The following GRIN2A variants were observed in gnomAD, a reference collection of about 807,000 sequenced individuals.
GRIN2A encodes the protein glutamate ionotropic receptor NMDA type subunit 2A.
Under a neutral mutation model 113.4 loss-of-function variants are expected in GRIN2A, and 22 were observed. That is an observed-to-expected ratio of 0.19 (90% CI 0.14 to 0.28). GRIN2A has a LOEUF of 0.28. GRIN2A is among the 10% of genes least tolerant of loss of function. The pLI, the probability that GRIN2A is intolerant of heterozygous loss-of-function variation, is 1.00. For missense variants in GRIN2A, 1,502 were observed against 1,887.0 expected (o/e 0.80, Z 3.78); for synonymous variants, 827 against 738.4 (o/e 1.12, Z -1.94).
At chr16:9,929,002 T>G (rs2044529057) in intron 3 of GRIN2A, among the ~76,000 whole-genome samples, 1 of 152,170 alleles carries the variant, frequency 6.6e-6, no homozygotes, top group Non-Finnish European at 1.5e-5. Context: ...CAAAACAAAA[T>G]CAACATTGGG....
intron 4 of GRIN2A, among the ~76,000 whole-genome samples, chr16:9,865,495 A>AC (rs1213985678): frequency 3.9e-5 from 6 of 152,174 alleles, no homozygotes; most frequent in African/African-American, 1.4e-4. Context: ...GAGTTGGAAG[A>AC]CCCAAGTCCA....
chr16:9,777,211 A>G (rs61191505), intron 11 of GRIN2A, among the ~76,000 whole-genome samples: 2,427 of 152,276 alleles, frequency 0.016, 60 homozygotes, highest in East Asian at 0.061. Context: ...ATGTTGTTTT[A>G]AAGACAAATT....
At chr16:10,162,036 G>C (rs1483872603) in intron 2 of GRIN2A, among the ~76,000 whole-genome samples, 1 of 152,162 alleles carries the variant, frequency 6.6e-6, no homozygotes, top group Non-Finnish European at 1.5e-5. Flanking sequence ...ACAGGTTCCA[G>C]GAATTAGAAT....
intron 4 of GRIN2A, among the ~76,000 whole-genome samples, chr16:9,863,413 G>A (rs1163198566): frequency 6.6e-6 from 1 of 152,118 alleles, no homozygotes; most frequent in Non-Finnish European, 1.5e-5. Flanking sequence ...TTTTACTCAT[G>A]ACAGTTTTAC....
intron 5 of GRIN2A, among the ~76,000 whole-genome samples, chr16:9,842,788 T>C (rs1427981180): frequency 6.6e-6 from 1 of 151,922 alleles, no homozygotes; most frequent in Non-Finnish European, 1.5e-5. Context: ...AATACAAAAA[T>C]GAGCTGGGCA....
chr16:10,022,436 T>C (rs2046743077), intron 2 of GRIN2A, among the ~76,000 whole-genome samples: 1 of 152,146 alleles, frequency 6.6e-6, no homozygotes. Context: ...CTGTCTAGAA[T>C]GTCTTCCCCA....
chr16:9,945,729 G>A (rs2141657716), intron 2 of GRIN2A, among the ~76,000 whole-genome samples: 1 of 152,264 alleles, frequency 6.6e-6, no homozygotes, highest in Admixed American at 6.5e-5. Flanking sequence ...TACATAGAGG[G>A]GTTGCTGCTG....
At position 10,180,612 on chromosome 16, in the gene GRIN2A, T is replaced by C. The variant is rs2050249638; in HGVS notation, c.-18-183A>G. 3 of 1,006,554 alleles carry C rather than the reference T, an allele frequency of 3.0e-6. No homozygotes were observed. The highest frequency in any genetic ancestry group is 4.2e-6 in the Non-Finnish European group (3 of 705,928). 62.4% of individuals were successfully genotyped at this position (1,006,554 alleles called of 1,614,324 possible). ...CCACATCCCTCGATCCATCTCTAAC[T>C]CTATCCACAACTCCAATTCGAGCTA... On this transcript the variant is annotated intron_variant, in intron 1 of 12. Transcript: ENST00000330684. This position sits in a 1 kb window ranked among gnomAD's most constrained non-coding sequence, Gnocchi z 7.0.
In GRIN2A at chr16:9,842,632, A is replaced by G. The variant is rs567351349; in HGVS notation, c.1329-1528T>C. Among the ~76,000 whole-genome samples, 27 of 152,350 alleles carry G rather than the reference A, an allele frequency of 1.8e-4. 1 individual carries two copies. The South Asian group carries it at 5.2e-3, about 29-fold the overall frequency. The stretch of plus-strand genomic sequence containing the variant: ...TGAGCTTATGAAATAACTGTATGGA[A>G]AAACAATGAAATATGAAGCATAGGA... On this transcript the variant is annotated intron_variant, in intron 5 of 12. Transcript: ENST00000330684.
chr16:9,878,506 A>G (rs2043415398), intron 4 of GRIN2A, among the ~76,000 whole-genome samples: 1 of 152,188 alleles, frequency 6.6e-6, no homozygotes, highest in Non-Finnish European at 1.5e-5. Flanking sequence ...GACTGAAACA[A>G]GATTATCCAT....
chr16:9,824,202 G>T (rs2042342972), intron 9 of GRIN2A, among the ~76,000 whole-genome samples: 1 of 152,214 alleles, frequency 6.6e-6, no homozygotes, highest in Non-Finnish European at 1.5e-5. Flanking sequence ...TCCTGCCAGG[G>T]TGTGCCTTGC....
intron 2 of GRIN2A, among the ~76,000 whole-genome samples, chr16:10,102,015 T>C (rs1334276355): frequency 1.3e-5 from 2 of 152,042 alleles, no homozygotes; most frequent in East Asian, 3.9e-4. Context: ...GAGCAATGAG[T>C]ATGTTTGTAG....
At position 9,938,529 on chromosome 16, in the gene GRIN2A, T is replaced by C; in HGVS notation, c.437A>G (p.Gln146Arg). 2 of 1,606,636 alleles carry C rather than the reference T, an allele frequency of 1.2e-6. No individual in the cohort carries two copies. The highest frequency in any genetic ancestry group is 1.7e-6 in the Non-Finnish European group (2 of 1,179,870). ...TTGCTGCTGGATGGACGCTCCAAACTGGAAGAAGGTAGACGTCGGATCCTG... is the reference window on the plus strand; with the variant it reads ...TTGCTGCTGGATGGACGCTCCAAACCGGAAGAAGGTAGACGTCGGATCCTG... Reference protein sequence around the residue: ...ADKDPTSTFFQFGASIQQQAT... With the variant: ...ADKDPTSTFFRFGASIQQQAT... Residue 146 changes from glutamine to arginine, a missense_variant, in exon 3 of 13, where the codon CAG becomes CGG. Around this residue, in one of 7 missense-constraint regions of GRIN2A, gnomAD observed 334 missense variants for 403.0 expected, o/e 0.83. Transcript: ENST00000330684.
At chr16:10,169,584 G>C (rs1040238780) in intron 2 of GRIN2A, among the ~76,000 whole-genome samples, 1 of 152,188 alleles carries the variant, frequency 6.6e-6, no homozygotes, top group Non-Finnish European at 1.5e-5. Context: ...GGCTGGAACA[G>C]AAGCAGCCAT....
chr16:9,773,223 T>TG (rs1901389563), intron 11 of GRIN2A, among the ~76,000 whole-genome samples: 2 of 152,344 alleles, frequency 1.3e-5, no homozygotes, highest in South Asian at 4.1e-4. Context: ...AGGCTTAAAC[T>TG]GGGCAGCATT....
intron 2 of GRIN2A, among the ~76,000 whole-genome samples, chr16:9,978,395 G>C (rs576988532): frequency 7.2e-5 from 11 of 152,286 alleles, no homozygotes; most frequent in Admixed American, 5.9e-4. Flanking sequence ...TCCCAGCCTT[G>C]CTGGTTTATT....
At chr16:9,883,615 A>T (rs906833496) in intron 4 of GRIN2A, among the ~76,000 whole-genome samples, 6 of 152,180 alleles carry the variant, frequency 3.9e-5, no homozygotes, top group African/African-American at 1.4e-4. Context: ...CGGGGATAAG[A>T]AGAAAGCTTT....
intron 2 of GRIN2A, among the ~76,000 whole-genome samples, chr16:10,081,251 C>A (rs2047975075): frequency 6.6e-6 from 1 of 152,160 alleles, no homozygotes. Context: ...GGAGCTGATG[C>A]CCTGGATTAA....
At chr16:10,158,540 T>C (rs761205915) in intron 2 of GRIN2A, among the ~76,000 whole-genome samples, 1 of 152,222 alleles carries the variant, frequency 6.6e-6, no homozygotes, top group African/African-American at 2.4e-5. Context: ...AATGGTTGAA[T>C]AGATAAATTA....
Sources: allele counts gnomAD v4.1 joint callset (sites outside exome capture counted in the v4.1 genomes callset), GRCh38; gene constraint gnomAD v4.1.1; regional missense constraint gnomAD v4.1.1; non-coding constraint Gnocchi (gnomAD v3.1); transcripts MANE v1.5; gene names NCBI Gene and HGNC (gene_info 2026-07-23, HGNC 2026-07-21).